MINDY1: variants seen among roughly 807,000 people sequenced by gnomAD.
MINDY1 encodes the protein ubiquitin carboxyl-terminal hydrolase MINDY-1.
A neutral mutation model predicts 53.6 loss-of-function variants in MINDY1; 50 were observed. That is an observed-to-expected ratio of 0.93 (90% CI 0.74 to 1.18). The LOEUF (loss-of-function observed/expected upper bound fraction) is 1.18. Ranked by LOEUF, MINDY1 falls within the 50% of genes most tolerant of loss-of-function variation. The pLI is 0.00. For synonymous variants in MINDY1, 231 were observed against 234.7 expected, an observed-to-expected ratio of 0.98 and a Z score of 0.14; for missense variants, 484 against 578.6, an observed-to-expected ratio of 0.84 and a Z score of 1.68.
rs1177777573 is a variant in MINDY1, at chr1:151,006,359, G to A, written c.-137C>T. ...CAAGATTGAGAAGGAGGGTTCAGCC[G>A]TGGCAATGAGATGGGGGAGATAGGT... is the stretch of plus-strand genomic sequence containing the variant. On this transcript the variant is annotated 5_prime_UTR_variant, in exon 1 of 10. The change creates a new upstream start codon in the 5' untranslated region. Coordinates refer to ENST00000683666, the MANE Select transcript of MINDY1 (RefSeq NM_001376665.1). 9 of 1,395,292 alleles carry A rather than the reference G, an allele frequency of 6.5e-6. No individual in the cohort carries two copies. Among genetic ancestry groups the A allele is most frequent in the South Asian group, 4.7e-5 (3 of 63,622 alleles). 86.4% of individuals were successfully genotyped at this position (1,395,292 alleles called of 1,614,324 possible).
At chr1:151,000,389 G>T in intron 5 of MINDY1, 68 bp downstream of exon 5, 1 of 1,505,366 alleles carries the variant, frequency 6.6e-7, no homozygotes. Flanking sequence ...ACCTCTACCC[G>T]ACAAAAATTT....
chr1:151,001,185 T>G lies in MINDY1; in HGVS notation c.576+65A>C, dbSNP rs1467666510. The G allele has an allele frequency of 1.0e-5, 15 of 1,504,946 alleles. No homozygotes were observed. The Admixed American group carries it at 2.6e-4, about 26-fold the overall frequency. 93.2% of individuals were successfully genotyped at this position (1,504,946 alleles called of 1,614,324 possible). A position where few individuals can be genotyped will look rare whatever the true frequency, so the allele number is the denominator to read the frequency against. On this transcript the variant is annotated intron_variant, in intron 4 of 9. Coordinates refer to ENST00000683666, the MANE Select transcript of MINDY1 (RefSeq NM_001376665.1). Reference sequence around the variant, plus strand: ...TCTGAAGAAGCAACAAAAGCTTATCTTAGTATTACAAGATGTCCCCTTACA... The same window carrying G: ...TCTGAAGAAGCAACAAAAGCTTATCGTAGTATTACAAGATGTCCCCTTACA...
chr1:151,006,147 A>G (rs1408508622), intron 1 of MINDY1, 165 bp downstream of exon 1: 2 of 1,551,686 alleles, frequency 1.3e-6, no homozygotes, highest in South Asian at 1.2e-5. Context: ...GAGGAGGACC[A>G]AGCAGCATCC....
At position 151,006,853 on chromosome 1, in the gene MINDY1, T is replaced by C; in HGVS notation, c.-631A>G. On this transcript the variant is annotated 5_prime_UTR_variant, in exon 1 of 10. Coordinates refer to ENST00000683666, the MANE Select transcript of MINDY1 (RefSeq NM_001376665.1). ...CAGGAGAGAAAAACAACAGACCCTT[T>C]CTCTTCCCTCTGCCTGCCTCTAGAA... 1.0e-6 allele frequency: 1 copy of C among 985,354 alleles called. No homozygotes were observed. Among genetic ancestry groups the C allele is most frequent in the Non-Finnish European group, 1.2e-6 (1 of 829,954 alleles). The allele number at this position is 985,354 out of a possible 1,614,324, so 61.0% of individuals were successfully genotyped here.
Position 150,998,386 on chromosome 1 carries a change from G to A in MINDY1, c.982-113C>T, listed in dbSNP as rs145714012. 1.6e-5 allele frequency: 15 copies of A among 966,084 alleles called. No individual in the cohort carries two copies. In the East Asian group the frequency reaches 2.2e-4, roughly 14 times the overall value. 59.8% of individuals were successfully genotyped at this position (966,084 alleles called of 1,614,324 possible). ...TTTTTTTTCTTGGAGATGGAGTCTC[G>A]CTCTGTCATCCAGGCTGGAGTGCAG... On this transcript the variant is annotated intron_variant, in intron 7 of 9. Coordinates refer to ENST00000683666, the MANE Select transcript of MINDY1 (RefSeq NM_001376665.1).
intron 1 of MINDY1, chr1:151,006,035 C>T (rs1375920402): frequency 8.4e-6 from 13 of 1,538,716 alleles, no homozygotes; most frequent in Non-Finnish European, 1.1e-5. Flanking sequence ...TTTGTGCAAT[C>T]AATAGTTTAG....
At position 151,001,772 on chromosome 1, in the gene MINDY1, G is replaced by T. The variant is rs1672610227; in HGVS notation, c.464C>A (p.Pro155His). 6.3e-7 allele frequency: 1 copy of T among 1,598,744 alleles called. No individual in the cohort carries two copies. The change falls in exon 3 of 10, where the codon CCC becomes CAC. Residue 155 changes from proline to histidine, a missense_variant. Transcript: ENST00000683666. ...ILFLQWKVKL[P>H]PQKEVITSDE... is the part of the protein sequence containing the mutation. ...CGATGTGATCACTTCCTTCTGCGGG[G>T]GGAGCTTCACCTGGAGGCAGAAGGG...
chr1:151,000,788 T>C (rs1260622125), intron 4 of MINDY1, among the ~76,000 whole-genome samples, 173 bp from the exon 5 acceptor site: 1 of 152,148 alleles, frequency 6.6e-6, no homozygotes, highest in Non-Finnish European at 1.5e-5. Flanking sequence ...GAACATTGTT[T>C]TTCTTTGAGA....
intron 8 of MINDY1, 37 bp from the exon 9 acceptor site, chr1:150,997,816 C>T (rs1257624826): frequency 2.5e-6 from 4 of 1,581,050 alleles, no homozygotes; most frequent in Non-Finnish European, 3.4e-6. Context: ...GGCTGAGGCC[C>T]AGAGCCGTGG....
At chr1:151,008,269 G>C, upstream of MINDY1, 7 of 1,216,424 alleles carry the variant, frequency 5.8e-6, no homozygotes, top group Non-Finnish European at 6.2e-6. Context: ...CCGAACGACT[G>C]ATCCCTCAGA....
intron 4 of MINDY1, 97 bp downstream of exon 4, chr1:151,001,153 G>T: frequency 3.9e-6 from 5 of 1,267,942 alleles, no homozygotes; most frequent in Non-Finnish European, 5.7e-6. Context: ...CATGGTTCAA[G>T]GAAACCTCTG....
At chr1:151,001,685 A>C in intron 3 of MINDY1, 40 bp downstream of exon 3, 1 of 1,606,776 alleles carries the variant, frequency 6.2e-7, no homozygotes, top group Non-Finnish European at 8.5e-7. Flanking sequence ...ATAGCTCTGG[A>C]GCCCCTTGGG....
intron 1 of MINDY1, chr1:151,003,087 T>C: frequency 1.8e-6 from 1 of 542,224 alleles, no homozygotes; most frequent in Non-Finnish European, 2.4e-6. Flanking sequence ...GTTATTAATA[T>C]GATGATCTTT....
In MINDY1 at chr1:150,998,111, A is replaced by G; in HGVS notation, c.1144T>C (p.Ser382Pro). ...KGPGAEGGSG[S>P]PETQLQVDQD... ...TCTACCTGCAGCTGCGTTTCTGGGG[A>G]GCCACTCCCACCTTCTGCTCCAGGC... The change falls in exon 8 of 10, where the codon TCC (serine) becomes CCC (proline). Residue 382 changes from serine (S) to proline (P), a missense_variant. Transcript: ENST00000683666. 1 of 1,613,176 alleles carries G rather than the reference A, an allele frequency of 6.2e-7. No individual in the cohort carries two copies. The highest frequency in any genetic ancestry group is 8.5e-7 in the Non-Finnish European group (1 of 1,179,896).
In MINDY1 at chr1:150,997,705, G is replaced by A. The variant is rs1313980961; in HGVS notation, c.1248C>T (p.Ala416=). ...GPLGLTDLEL[A]QQLQQEEYQQ... is the part of the protein sequence containing the mutation. ...GATACTCCTCTTGCTGAAGCTGCTG[G>A]GCCAGCTCCAAGTCGGTAAGCCCCA... Residue 416 remains alanine, a synonymous_variant, in exon 9 of 10, where the codon GCC becomes GCT. Coordinates refer to ENST00000683666, the MANE Select transcript of MINDY1 (RefSeq NM_001376665.1). The A allele has an allele frequency of 6.2e-7, 1 of 1,613,702 alleles. No homozygotes were observed. The highest frequency in any genetic ancestry group is 1.3e-5 in the African/African-American group (1 of 74,950).
rs1169946023 is a variant in MINDY1, at chr1:151,006,130, T to C, written c.-90+182A>G. ...AGAGGGGGAAGGTTTCGTGCTTTCA[T>C]TAAAAGGAGGAGGACCAAGCAGCAT... On this transcript the variant is annotated intron_variant, in intron 1 of 9. Coordinates refer to ENST00000683666, the MANE Select transcript of MINDY1 (RefSeq NM_001376665.1). 2.6e-6 allele frequency: 4 copies of C among 1,551,540 alleles called. No individual in the cohort carries two copies. The East Asian group carries it at 9.8e-5, about 38-fold the overall frequency.
At chr1:151,004,395 C>T (rs1672913660) in intron 1 of MINDY1, among the ~76,000 whole-genome samples, 1 of 152,122 alleles carries the variant, frequency 6.6e-6, no homozygotes, top group African/African-American at 2.4e-5. Context: ...TCTCCTTGCT[C>T]CCCTCCCACT....
intron 1 of MINDY1, among the ~76,000 whole-genome samples, chr1:151,003,629 T>A (rs1545625): frequency 6.6e-6 from 1 of 152,118 alleles, no homozygotes; most frequent in East Asian, 1.9e-4. Context: ...AGGCTGGTCT[T>A]AACTCCTGGG....
chr1:151,000,610 C>A lies in MINDY1; in HGVS notation c.582G>T (p.Val194=), dbSNP rs779727279. Residue 194 remains valine (V), a synonymous_variant, in exon 5 of 10, where the codon GTG becomes GTT. Coordinates refer to ENST00000683666, the MANE Select transcript of MINDY1 (RefSeq NM_001376665.1). ...TAGGCAGCACTGTCATTGCATCATC[C>A]ACATTCTGGGGGTAGAAAAAAAAAT... ...EGLQLNFQQN[V]DDAMTVLPKL... The A allele has an allele frequency of 6.2e-7, 1 of 1,609,520 alleles. No individual in the cohort carries two copies. Among genetic ancestry groups the A allele is most frequent in the East Asian group, 2.2e-5 (1 of 44,852 alleles).
Sources: allele counts gnomAD v4.1 joint callset (sites outside exome capture counted in the v4.1 genomes callset), GRCh38; gene constraint gnomAD v4.1.1; transcripts MANE v1.5; gene names NCBI Gene and HGNC (gene_info 2026-07-23, HGNC 2026-07-21).